Variants in VGLL4 observed in about 807,000 individuals in gnomAD.
VGLL4 encodes transcription cofactor vestigial-like protein 4.
Under a neutral mutation model 21.0 loss-of-function variants are expected in VGLL4, and 7 were observed. The observed-to-expected ratio is 0.33, with a 90% confidence interval of 0.19 to 0.63. The LOEUF is 0.63. Ranked by LOEUF, VGLL4 falls within the 20% of genes least tolerant of loss-of-function variation. VGLL4 has a pLI of 0.78. For missense variants in VGLL4, 394 were observed against 425.7 expected (o/e 0.93, Z 0.66); for synonymous variants, 222 against 173.2 (o/e 1.28, Z -2.21).
chr3:11,590,115 C>T (rs1251402794), intron 2 of VGLL4, among the ~76,000 whole-genome samples: 1 of 152,214 alleles, frequency 6.6e-6, no homozygotes, highest in Non-Finnish European at 1.5e-5. Flanking sequence ...GACCAGGGAA[C>T]ACTTCCGTTT....
upstream of VGLL4, among the ~76,000 whole-genome samples, chr3:11,648,537 T>C (rs981790555): frequency 2.0e-5 from 3 of 152,192 alleles, no homozygotes; most frequent in East Asian, 5.8e-4. Flanking sequence ...AAGGAAGATG[T>C]AGAATTTGAT....
chr3:11,641,709 T>C (rs904584421), intron 1 of VGLL4, among the ~76,000 whole-genome samples: 4 of 152,154 alleles, frequency 2.6e-5, no homozygotes, highest in South Asian at 2.1e-4. Flanking sequence ...CATTATCCCA[T>C]ATAGCTACTC....
intron 2 of VGLL4, among the ~76,000 whole-genome samples, chr3:11,684,751 T>TGTGTGTGC: frequency 6.6e-6 from 1 of 151,648 alleles, no homozygotes; most frequent in South Asian, 2.1e-4. Flanking sequence ...TGTGTGTGTG[T>TGTGTGTGC]GTGTGTAAAC....
intron 2 of VGLL4, among the ~76,000 whole-genome samples, chr3:11,576,035 A>G (rs1473771859): frequency 6.6e-6 from 1 of 152,236 alleles, no homozygotes; most frequent in East Asian, 1.9e-4. Flanking sequence ...AACTGTCTAC[A>G]TGTGTTTTCC....
chr3:11,559,161 A>T (rs2072728324), intron 4 of VGLL4, among the ~76,000 whole-genome samples, 171 bp downstream of exon 4: 1 of 152,092 alleles, frequency 6.6e-6, no homozygotes, highest in South Asian at 2.1e-4. Context: ...TGCCCTTCCC[A>T]CCCAAGTCAT....
chr3:11,720,153 C>T (rs1391922458), intron 1 of VGLL4, among the ~76,000 whole-genome samples: 1 of 152,152 alleles, frequency 6.6e-6, no homozygotes, highest in Non-Finnish European at 1.5e-5. Context: ...CTTCCCGCCA[C>T]ACACACCCCG....
chr3:11,602,481 T>C (rs2074830501), intron 1 of VGLL4, among the ~76,000 whole-genome samples: 1 of 152,158 alleles, frequency 6.6e-6, no homozygotes, highest in Non-Finnish European at 1.5e-5. Flanking sequence ...GGTATTTAAT[T>C]TCTTTTAAAA....
At chr3:11,583,913 G>A (rs1176089829) in intron 2 of VGLL4, among the ~76,000 whole-genome samples, 1 of 152,212 alleles carries the variant, frequency 6.6e-6, no homozygotes, top group African/African-American at 2.4e-5. Context: ...ACGAAGTGAT[G>A]ACACACAAAC....
intron 2 of VGLL4, among the ~76,000 whole-genome samples, chr3:11,658,753 T>C (rs2075992320): frequency 6.6e-6 from 1 of 151,842 alleles, no homozygotes; most frequent in South Asian, 2.1e-4. Context: ...AAAAAGAAAA[T>C]AGTCCAAATA....
intron 2 of VGLL4, among the ~76,000 whole-genome samples, chr3:11,589,366 G>T (rs1175682090): frequency 2.0e-5 from 3 of 152,150 alleles, no homozygotes; most frequent in Non-Finnish European, 4.4e-5. Flanking sequence ...TCTGGCCTCA[G>T]TGAATTTCTC....
intron 4 of VGLL4, 57 bp downstream of exon 4, chr3:11,559,275 A>T: frequency 4.1e-6 from 6 of 1,473,984 alleles, no homozygotes; most frequent in Non-Finnish European, 5.4e-6. Context: ...CATGACAGAG[A>T]AGGGCTCTGC....
At chr3:11,642,901 C>G (rs73814966) in intron 1 of VGLL4, among the ~76,000 whole-genome samples, 313 of 152,280 alleles carry the variant, frequency 2.1e-3, no homozygotes, top group African/African-American at 7.0e-3. Flanking sequence ...CGCCTGTGCT[C>G]GCTGACACGG....
intron 2 of VGLL4, chr3:11,702,728 T>G: frequency 4.7e-6 from 1 of 212,814 alleles, no homozygotes; most frequent in African/African-American, 2.6e-5. Flanking sequence ...CATGATCCCA[T>G]CTCAAAAAAA....
chr3:11,698,001 TTTTAA>T (rs1308238423), intron 2 of VGLL4, among the ~76,000 whole-genome samples: 5 of 152,214 alleles, frequency 3.3e-5, no homozygotes, highest in African/African-American at 4.8e-5. Context: ...ACCCTCAAAG[TTTTAA>T]TTTAAAGTTA....
chr3:11,574,701 T>A (rs911905460), intron 2 of VGLL4, among the ~76,000 whole-genome samples: 1 of 152,020 alleles, frequency 6.6e-6, no homozygotes, highest in Non-Finnish European at 1.5e-5. Context: ...CTAACCACCC[T>A]GAGCTCATCA....
At chr3:11,659,326 C>CTTTTTTTTTTTT (rs5846714) in intron 2 of VGLL4, among the ~76,000 whole-genome samples, 39 of 70,810 alleles carry the variant, frequency 5.5e-4, no homozygotes, top group East Asian at 9.2e-4. Context: ...TTTTCTTTTT[C>CTTTTTTTTTTTT]TTTTTTTTTT....
intron 1 of VGLL4, among the ~76,000 whole-genome samples, chr3:11,641,585 A>C (rs1029137104): frequency 3.3e-5 from 5 of 152,202 alleles, no homozygotes; most frequent in African/African-American, 9.7e-5. Flanking sequence ...AACACCACTC[A>C]AATTTTGCTG....
intron 2 of VGLL4, among the ~76,000 whole-genome samples, chr3:11,655,318 G>T (rs112127399): frequency 6.6e-6 from 1 of 152,130 alleles, no homozygotes; most frequent in African/African-American, 2.4e-5. Flanking sequence ...GAACTGAGGA[G>T]GGCACCTGGC....
rs61052269 is a variant in VGLL4, at chr3:11,666,248, CAAAAA to C, written c.64+36718_64+36722del. ...CCTGGGTGAGAGCGAGACTGCGCCTCAAAAAAAAAAAAAAAAAGAAAGTTCATTCT... is the reference window on the plus strand; with the variant it reads ...CCTGGGTGAGAGCGAGACTGCGCCTCAAAAAAAAAAAAGAAAGTTCATTCT... On this transcript the variant is annotated intron_variant, in intron 2 of 5. Coordinates refer to the VGLL4 transcript ENST00000273038. Among the ~76,000 whole-genome samples, 14 of 91,544 alleles carry C rather than the reference CAAAAA, an allele frequency of 1.5e-4. No individual in the cohort carries two copies. The South Asian group carries it at 4.5e-3, about 30-fold the overall frequency. The allele number at this position is 91,544 out of a possible 152,430, so 60.1% of individuals were successfully genotyped here.
Sources: allele counts gnomAD v4.1 joint callset (sites outside exome capture counted in the v4.1 genomes callset), GRCh38; gene constraint gnomAD v4.1.1; transcripts MANE v1.5; gene names NCBI Gene and HGNC (gene_info 2026-07-23, HGNC 2026-07-21).